TMPRSS11A: variants seen among roughly 807,000 people sequenced by gnomAD.
The protein encoded by TMPRSS11A is transmembrane protease serine 11A.
TMPRSS11A carries 53 observed loss-of-function variants against 58.9 expected under a neutral mutation model. The observed-to-expected ratio is 0.90, with a 90% CI of 0.72 to 1.13. The LOEUF (loss-of-function observed/expected upper bound fraction) is 1.13, where lower values mean the gene tolerates loss of function less well. TMPRSS11A is among the 50% of genes most tolerant of loss of function. TMPRSS11A has a pLI of 0.00. For synonymous variants in TMPRSS11A, 167 were observed against 169.8 expected (o/e 0.98, Z 0.13); for missense variants, 493 against 499.3 (o/e 0.99, Z 0.12).
chr4:67,953,970 G>A (rs556101112), intron 1 of TMPRSS11A, among the ~76,000 whole-genome samples: 2 of 152,196 alleles, frequency 1.3e-5, no homozygotes, highest in South Asian at 2.1e-4. Flanking sequence ...TATGAGTAGG[G>A]GTGAGGTGGA....
intron 1 of TMPRSS11A, among the ~76,000 whole-genome samples, chr4:67,953,886 G>A (rs1035745278): frequency 3.9e-5 from 6 of 152,106 alleles, no homozygotes; most frequent in Non-Finnish European, 8.8e-5. Context: ...GGGATATCTC[G>A]TGGTCAGATA....
At position 67,932,072 on chromosome 4, in the gene TMPRSS11A, C is replaced by T; in HGVS notation, c.253-12G>A. ...AATATCTCATCCACCTGTTACACAACAAGAGAGAAACTATGTGTTAATAAT... is the reference window on the plus strand; with the variant it reads ...AATATCTCATCCACCTGTTACACAATAAGAGAGAAACTATGTGTTAATAAT... On this transcript the variant is annotated splice_polypyrimidine_tract_variant and intron_variant, in intron 3 of 9. Transcript: ENST00000508048. The T allele has an allele frequency of 2.1e-6, 3 of 1,455,818 alleles. No individual in the cohort carries two copies. Among genetic ancestry groups the T allele is most frequent in the African/African-American group, 1.4e-5 (1 of 71,806 alleles). The allele number at this position is 1,455,818 out of a possible 1,614,324, so 90.2% of individuals were successfully genotyped here.
intron 8 of TMPRSS11A, among the ~76,000 whole-genome samples, chr4:67,916,457 G>T (rs527413664): frequency 2.7e-4 from 35 of 128,072 alleles, no homozygotes; most frequent in African/African-American, 8.2e-4. Context: ...GAATACAATT[G>T]GTTTATATAT....
At chr4:67,955,107 A>G (rs762241435) in intron 1 of TMPRSS11A, among the ~76,000 whole-genome samples, 9 of 152,174 alleles carry the variant, frequency 5.9e-5, no homozygotes, top group Non-Finnish European at 1.0e-4. Flanking sequence ...GAGTTGCCCC[A>G]TAGGAGGGAG....
intron 1 of TMPRSS11A, among the ~76,000 whole-genome samples, chr4:67,952,762 T>C (rs1721194279): frequency 6.6e-6 from 1 of 152,250 alleles, no homozygotes; most frequent in South Asian, 2.1e-4. Context: ...TCTTGATATG[T>C]TATGTGTACA....
chr4:67,934,330 T>C (rs1348595227), intron 3 of TMPRSS11A, among the ~76,000 whole-genome samples: 2 of 152,182 alleles, frequency 1.3e-5, no homozygotes, highest in Non-Finnish European at 2.9e-5. Context: ...ATGGAGCTTA[T>C]GTATAAACTA....
Position 67,914,745 on chromosome 4 carries a change from G to C in TMPRSS11A, c.953-15C>G. On this transcript the variant is annotated splice_polypyrimidine_tract_variant and intron_variant, in intron 8 of 9. Coordinates refer to ENST00000508048, the MANE Select transcript of TMPRSS11A (RefSeq NM_001114387.2). ...TTGGGATTCCCCTTAAGGAAAAATA[G>C]AGTTATTCTAGTATTTACAATCAGC... The C allele has an allele frequency of 6.2e-7, 1 of 1,608,512 alleles. No homozygotes were observed. Among genetic ancestry groups the C allele is most frequent in the Non-Finnish European group, 8.5e-7 (1 of 1,176,636 alleles).
intron 1 of TMPRSS11A, among the ~76,000 whole-genome samples, chr4:67,955,629 A>T (rs1302057106): frequency 1.3e-5 from 2 of 152,152 alleles, no homozygotes; most frequent in Non-Finnish European, 2.9e-5. Flanking sequence ...CTGTCTCAGG[A>T]TCCATTTAAC....
At chr4:67,958,489 C>T (rs1721343020) in intron 1 of TMPRSS11A, among the ~76,000 whole-genome samples, 1 of 152,172 alleles carries the variant, frequency 6.6e-6, no homozygotes, top group African/African-American at 2.4e-5. Flanking sequence ...TTGTATGGGG[C>T]CTTTGGCCCC....
At chr4:67,953,070 T>A (rs1721202913) in intron 1 of TMPRSS11A, among the ~76,000 whole-genome samples, 1 of 151,990 alleles carries the variant, frequency 6.6e-6, no homozygotes, top group African/African-American at 2.4e-5. Context: ...GTAACCTGGG[T>A]CCCTCGCATG....
chr4:67,950,358 C>G (rs949482286), intron 1 of TMPRSS11A, among the ~76,000 whole-genome samples: 1 of 152,230 alleles, frequency 6.6e-6, no homozygotes, highest in Non-Finnish European at 1.5e-5. Flanking sequence ...ACTTGGCCAT[C>G]TCCTTCTTCA....
At chr4:67,929,188 G>A (rs780635196) in intron 5 of TMPRSS11A, among the ~76,000 whole-genome samples, 15 of 151,958 alleles carry the variant, frequency 9.9e-5, no homozygotes, top group African/African-American at 1.9e-4. Flanking sequence ...GTGAATTTGC[G>A]TACGTCACTG....
At chr4:67,951,825 T>C (rs1487336729) in intron 1 of TMPRSS11A, among the ~76,000 whole-genome samples, 1 of 152,216 alleles carries the variant, frequency 6.6e-6, no homozygotes, top group East Asian at 1.9e-4. Flanking sequence ...CTAAATTCCA[T>C]GGAGCCATTT....
At chr4:67,960,464 A>G (rs1721396476) in intron 1 of TMPRSS11A, among the ~76,000 whole-genome samples, 1 of 152,306 alleles carries the variant, frequency 6.6e-6, no homozygotes, top group South Asian at 2.1e-4. Context: ...TTCTTCACCT[A>G]TAAAATGGAG....
chr4:67,928,688 C>G (rs970434391), intron 5 of TMPRSS11A, among the ~76,000 whole-genome samples: 1 of 152,200 alleles, frequency 6.6e-6, no homozygotes, highest in Non-Finnish European at 1.5e-5. Flanking sequence ...CAGCTTTATT[C>G]CCTAAGTAGC....
rs1234476111 is a variant in TMPRSS11A at position 67,914,678 on chromosome 4, A to G, written c.1005T>C (p.Asp335=). The G allele has an allele frequency of 2.5e-6, 4 of 1,613,440 alleles. No homozygotes were observed. The highest frequency in any genetic ancestry group is 1.7e-5 in the Admixed American group (1 of 59,982). ...REARVKIISD[D]VCKQPQVYGN... ...CATACACCTGTGGTTGCTTGCAGACATCATCACTTATGATTTTCACTCTGG... is the reference window on the plus strand; with the variant it reads ...CATACACCTGTGGTTGCTTGCAGACGTCATCACTTATGATTTTCACTCTGG... The change falls in exon 9 of 10, where the codon GAT becomes GAC. Residue 335 remains aspartate, a synonymous_variant. Coordinates refer to ENST00000508048, the MANE Select transcript of TMPRSS11A (RefSeq NM_001114387.2).
At chr4:67,941,951 A>T (rs553926345) in intron 3 of TMPRSS11A, among the ~76,000 whole-genome samples, 2 of 152,318 alleles carry the variant, frequency 1.3e-5, no homozygotes, top group South Asian at 4.1e-4. Flanking sequence ...CAGAATGGAT[A>T]AGCGCAGTGT....
In TMPRSS11A at chr4:67,911,511, TA is replaced by T. The variant is rs758214307; in HGVS notation, c.1096-9del. 1.7e-4 allele frequency: 267 copies of T among 1,594,726 alleles called. No homozygotes were observed. The highest frequency in any genetic ancestry group is 1.9e-4 in the Non-Finnish European group (219 of 1,174,060). Reference sequence around the variant, plus strand: ...AGGTCCCCCAGAATCACCCTAAAAATAAAAACATAAGAAAAAAGAAAGAAAA... The same window carrying T: ...AGGTCCCCCAGAATCACCCTAAAAATAAAACATAAGAAAAAAGAAAGAAAA... On this transcript the variant is annotated splice_polypyrimidine_tract_variant and intron_variant, in intron 9 of 9. Coordinates refer to ENST00000508048, the MANE Select transcript of TMPRSS11A (RefSeq NM_001114387.2).
intron 1 of TMPRSS11A, among the ~76,000 whole-genome samples, chr4:67,959,186 T>C (rs1721364303): frequency 6.6e-6 from 1 of 152,228 alleles, no homozygotes; most frequent in Non-Finnish European, 1.5e-5. Flanking sequence ...TAAGCACATA[T>C]ATTTCAATTC....
Sources: gnomAD v4.1 joint callset for allele counts (sites outside exome capture counted in the v4.1 genomes callset) on GRCh38, gnomAD v4.1.1 for gene constraint, MANE v1.5 for transcripts, NCBI Gene and HGNC (gene_info 2026-07-23, HGNC 2026-07-21) for gene names.